The following NCOR2 variants were observed in gnomAD, a reference collection of about 807,000 sequenced individuals.
NCOR2 encodes the protein nuclear receptor corepressor 2, also known as CTG repeat protein 26.
NCOR2 carries 81 observed loss-of-function variants against 262.9 expected under a neutral mutation model. The ratio of observed to expected loss-of-function variants is 0.31; its 90% confidence interval spans 0.26 to 0.37. The LOEUF (loss-of-function observed/expected upper bound fraction) is 0.37. NCOR2 is among the 10% of genes least tolerant of loss of function. NCOR2 has a pLI of 1.00. For missense variants in NCOR2, 3,385 were observed against 3,621.4 expected (o/e 0.93, Z 1.68); for synonymous variants, 1,659 against 1,559.3 (o/e 1.06, Z -1.51).
intron 10 of NCOR2, among the ~76,000 whole-genome samples, chr12:124,428,587 G>A (rs2043730409): frequency 6.6e-6 from 1 of 152,152 alleles, no homozygotes; most frequent in Admixed American, 6.5e-5. Context: ...GCAGGGCAGC[G>A]CGTTCTGTTG....
chr12:124,475,221 C>T (rs1289410676), intron 3 of NCOR2, among the ~76,000 whole-genome samples: 1 of 152,164 alleles, frequency 6.6e-6, no homozygotes, highest in African/African-American at 2.4e-5. Context: ...GGGCTCATAT[C>T]CCTCAATCGC....
chr12:124,399,819 C>T (rs1164190545), intron 15 of NCOR2, among the ~76,000 whole-genome samples: 1 of 152,156 alleles, frequency 6.6e-6, no homozygotes, highest in Non-Finnish European at 1.5e-5. Context: ...CAGACGCACA[C>T]CGCTGCCCCC....
At chr12:124,450,263 G>A (rs1356975377) in intron 6 of NCOR2, among the ~76,000 whole-genome samples, 3 of 152,190 alleles carry the variant, frequency 2.0e-5, no homozygotes, top group Non-Finnish European at 2.9e-5. Context: ...GCGTCCCAAC[G>A]CTGCAAGATA....
intron 13 of NCOR2, among the ~76,000 whole-genome samples, chr12:124,417,285 G>A (rs970267854): frequency 5.3e-4 from 80 of 151,188 alleles, no homozygotes; most frequent in African/African-American, 1.9e-3. Flanking sequence ...CTCACTCCAC[G>A]AAGAGCAAGC....
chr12:124,385,301 C>T lies in NCOR2; in HGVS notation c.2019+444G>A, dbSNP rs912140800. The stretch of plus-strand genomic sequence containing the variant: ...CCCCAGACCTGTCCCTCCCCAACCA[C>T]GGCAGCCCTAAAGCTGTGAGGTCAA... On this transcript the variant is annotated intron_variant, in intron 17 of 46. Transcript: ENST00000405201. 3.7e-4 allele frequency among the ~76,000 whole-genome samples: 56 copies of T among 152,190 alleles called. 1 individual carries two copies. Among genetic ancestry groups the T allele is most frequent in the Admixed American group, 2.2e-3 (34 of 15,282 alleles).
intron 10 of NCOR2, among the ~76,000 whole-genome samples, chr12:124,428,044 A>AGTGTGTATGTGTGTGTGTGTGT (rs1941765182): frequency 8.9e-6 from 1 of 112,398 alleles, no homozygotes. Flanking sequence ...CCATGTGGCC[A>AGTGTGTATGTGTGTGTGTGTGT]GTGTGTGTGT....
chr12:124,373,858 G>A (rs1368138230), intron 19 of NCOR2, among the ~76,000 whole-genome samples: 2 of 148,792 alleles, frequency 1.3e-5, no homozygotes. Context: ...AGGCCAGTGC[G>A]TGCGCAGGGG....
chr12:124,463,784 G>A (rs2046296654), intron 5 of NCOR2, among the ~76,000 whole-genome samples: 1 of 152,248 alleles, frequency 6.6e-6, no homozygotes, highest in African/African-American at 2.4e-5. Flanking sequence ...TTAGGCTGCA[G>A]GCTTTGGAGG....
chr12:124,325,519 TG>T lies in NCOR2; in HGVS notation c.7427del (p.Pro2476HisfsTer98). The T allele has an allele frequency of 7.5e-7, 1 of 1,342,222 alleles. No homozygotes were observed. Among genetic ancestry groups the T allele is most frequent in the South Asian group, 2.0e-5 (1 of 50,216 alleles). The allele number at this position is 1,342,222 out of a possible 1,614,324, so 83.1% of individuals were successfully genotyped here. On this transcript the variant is annotated frameshift_variant, in exon 47 of 47. Transcript: ENST00000405201. LOFTEE classifies it high-confidence loss of function. Reference sequence around the variant, plus strand: ...TGCCCGCGGGGAGGCCCGGTGGGGGTGGGGAAGCCATGACACCCGCCTGCAG... The same window carrying T: ...TGCCCGCGGGGAGGCCCGGTGGGGGTGGGAAGCCATGACACCCGCCTGCAG...
intron 1 of NCOR2, among the ~76,000 whole-genome samples, chr12:124,493,966 C>T (rs529293163): frequency 3.9e-5 from 6 of 152,268 alleles, no homozygotes; most frequent in Non-Finnish European, 5.9e-5. Flanking sequence ...TTCACAGGGC[C>T]GCCCAGGAGA....
intron 38 of NCOR2, chr12:124,335,891 A>C (rs1481803927): frequency 4.0e-6 from 2 of 500,600 alleles, no homozygotes; most frequent in Non-Finnish European, 7.1e-6. Flanking sequence ...AGATTAGGCA[A>C]GAAGGGACAG....
chr12:124,518,664 T>C (rs1214870279), intron 1 of NCOR2, among the ~76,000 whole-genome samples: 1 of 152,250 alleles, frequency 6.6e-6, no homozygotes, highest in East Asian at 1.9e-4. Context: ...TAAGTAATAA[T>C]TCCTCATCGC....
intron 1 of NCOR2, among the ~76,000 whole-genome samples, chr12:124,552,478 C>G (rs1324415513): frequency 6.6e-6 from 1 of 152,192 alleles, no homozygotes; most frequent in Non-Finnish European, 1.5e-5. Context: ...GCCCCCAGGT[C>G]AAGGTCAAGA....
intron 42 of NCOR2, 143 bp downstream of exon 44, chr12:124,332,986 GA>G: frequency 8.7e-7 from 1 of 1,149,356 alleles, no homozygotes; most frequent in South Asian, 1.8e-5. Context: ...CCAAGTTGGT[GA>G]AACCTGCTTG....
chr12:124,336,619 G>C (rs1289917979), intron 38 of NCOR2, 134 bp downstream of exon 40: 1 of 1,488,428 alleles, frequency 6.7e-7, no homozygotes, highest in Non-Finnish European at 8.9e-7. Flanking sequence ...GACGGGGTGG[G>C]TGCGGGCCGG....
At chr12:124,502,412 G>A (rs2048795239) in intron 1 of NCOR2, among the ~76,000 whole-genome samples, 1 of 152,232 alleles carries the variant, frequency 6.6e-6, no homozygotes, top group African/African-American at 2.4e-5. Flanking sequence ...TAGCACGATG[G>A]AGAAAAACAG....
At chr12:124,530,554 A>G (rs2050723124) in intron 1 of NCOR2, among the ~76,000 whole-genome samples, 1 of 152,170 alleles carries the variant, frequency 6.6e-6, no homozygotes, top group Non-Finnish European at 1.5e-5. Flanking sequence ...CCTCACTTCT[A>G]AATCAGTCTG....
At chr12:124,518,356 G>C (rs971823154) in intron 1 of NCOR2, 12 of 152,328 alleles carry the variant, frequency 7.9e-5, no homozygotes, top group African/African-American at 2.9e-4. Flanking sequence ...GGCCCCAGAG[G>C]GCGGCCTCAC....
intron 10 of NCOR2, 30 bp from the exon 13 acceptor site, chr12:124,426,830 G>C: frequency 2.0e-6 from 3 of 1,536,436 alleles, no homozygotes; most frequent in Non-Finnish European, 2.6e-6. Flanking sequence ...AGGGTCAGAG[G>C]CCCAGGGACG....
Sources: gnomAD v4.1 joint callset for allele counts (sites outside exome capture counted in the v4.1 genomes callset) on GRCh38, gnomAD v4.1.1 for gene constraint, MANE v1.5 for transcripts, NCBI Gene and HGNC (gene_info 2026-07-23, HGNC 2026-07-21) for gene names.